TET2: variants seen among roughly 807,000 people sequenced by gnomAD.
The protein encoded by TET2 is tet methylcytosine dioxygenase 2, also known as methylcytosine dioxygenase TET2.
Under a neutral mutation model 142.9 loss-of-function variants are expected in TET2, and 299 were observed. The observed-to-expected ratio is 2.09, with a 90% confidence interval of 1.90 to 2.30. TET2 has a LOEUF of 2.30. Ranked by LOEUF, TET2 falls within the 30% of genes most tolerant of loss-of-function variation. TET2 has a pLI of 0.00. For missense variants in TET2, 2,418 were observed against 2,378.0 expected (o/e 1.02, Z -0.35); for synonymous variants, 819 against 849.0 (o/e 0.96, Z 0.61).
intron 2 of TET2, among the ~76,000 whole-genome samples, chr4:105,204,929 T>C (rs1726729038): frequency 6.6e-6 from 1 of 152,162 alleles, no homozygotes; most frequent in Non-Finnish European, 1.5e-5. Context: ...TATTTTGTTA[T>C]TAACTAATTC....
intron 2 of TET2, among the ~76,000 whole-genome samples, chr4:105,190,900 A>G (rs1419908235): frequency 1.3e-5 from 2 of 152,208 alleles, no homozygotes; most frequent in Admixed American, 1.3e-4. Context: ...TAAGGACCAA[A>G]TAAATGGTAT....
rs753876237 is a variant in TET2, at chr4:105,236,275, A to G, written c.2333A>G (p.Gln778Arg). ...DQQREGSFFGQTKVEECFHGE... is the reference protein window; with the variant it reads ...DQQREGSFFGRTKVEECFHGE... ...CAAAGAGAAGGATCATTCTTTGGCC[A>G]GACTAAAGTGGAAGAATGTTTTCAT... Residue 778 changes from glutamine (Q) to arginine (R), a missense_variant, in exon 3 of 11, where the codon CAG becomes CGG. Transcript: ENST00000380013. The G allele has an allele frequency of 6.2e-7, 1 of 1,614,160 alleles. No individual in the cohort carries two copies. The highest frequency in any genetic ancestry group is 1.1e-5 in the South Asian group (1 of 91,092).
intron 2 of TET2, among the ~76,000 whole-genome samples, chr4:105,209,889 T>C (rs1370374312): frequency 6.6e-6 from 1 of 152,118 alleles, no homozygotes; most frequent in African/African-American, 2.4e-5. Flanking sequence ...AATAGGCTGT[T>C]GCGGTTATCC....
intron 6 of TET2, among the ~76,000 whole-genome samples, chr4:105,259,383 T>A (rs1217270809): frequency 6.6e-6 from 1 of 152,180 alleles, no homozygotes; most frequent in African/African-American, 2.4e-5. Flanking sequence ...CTTAACTGGG[T>A]ATTTTCCATT....
intron 1 of TET2, among the ~76,000 whole-genome samples, chr4:105,169,330 G>T (rs1196226674): frequency 6.6e-6 from 1 of 152,158 alleles, no homozygotes; most frequent in Non-Finnish European, 1.5e-5. Context: ...GATCATTAGT[G>T]ATATTGAACA....
At chr4:105,229,210 T>C (rs1023415735) in intron 2 of TET2, among the ~76,000 whole-genome samples, 20 of 152,216 alleles carry the variant, frequency 1.3e-4, no homozygotes, top group Non-Finnish European at 2.5e-4. Context: ...ATGTGACTAG[T>C]CACTGTTGGA....
In TET2 at chr4:105,236,793, G is replaced by A. The variant is rs754494797; in HGVS notation, c.2851G>A (p.Ala951Thr). 6.2e-7 allele frequency: 1 copy of A among 1,614,128 alleles called. No homozygotes were observed. Among genetic ancestry groups the A allele is most frequent in the Admixed American group, 1.7e-5 (1 of 60,002 alleles). The part of the protein sequence containing the change: ...PPQKDTQKHA[A>T]LRWHLLQKQE... The stretch of plus-strand genomic sequence containing the variant: ...CCAGAAGGACACTCAAAAGCATGCT[G>A]CTCTAAGGTGGCATCTCTTACAGAA... Residue 951 changes from alanine (A) to threonine (T), a missense_variant, in exon 3 of 11, where the codon GCT (alanine) becomes ACT (threonine). Transcript: ENST00000380013.
intron 2 of TET2, among the ~76,000 whole-genome samples, chr4:105,230,803 A>G (rs1196703035): frequency 1.3e-5 from 2 of 152,076 alleles, no homozygotes; most frequent in African/African-American, 4.8e-5. Context: ...TGACTTCTAG[A>G]TTTTGTTTCA....
chr4:105,160,313 C>T (rs1164401350), intron 1 of TET2, among the ~76,000 whole-genome samples: 1 of 151,752 alleles, frequency 6.6e-6, no homozygotes, highest in Non-Finnish European at 1.5e-5. Context: ...TTATTTTTAT[C>T]AATACAAAGC....
intron 1 of TET2, among the ~76,000 whole-genome samples, chr4:105,172,184 G>A (rs550607344): frequency 1.7e-3 from 255 of 152,132 alleles, no homozygotes; most frequent in African/African-American, 5.9e-3. Context: ...ATAACATGGA[G>A]GTTAAGAGCA....
At chr4:105,203,356 T>C (rs1206550935) in intron 2 of TET2, among the ~76,000 whole-genome samples, 1 of 152,238 alleles carries the variant, frequency 6.6e-6, no homozygotes, top group African/African-American at 2.4e-5. Flanking sequence ...GAGAGGGTTT[T>C]AAGCTATGTA....
In TET2 at chr4:105,201,732, CTTTTTTTTTTTTT is replaced by C. The variant is rs70964636; in HGVS notation, c.-47+11241_-47+11253del. ...TTAACAGAACATCTTCATCCAGGAC[CTTTTTTTTTTTTT>C]TTTTTTTTTTTTTCAGACAGGGTTT... On this transcript the variant is annotated intron_variant, in intron 2 of 10. Transcript: ENST00000380013. Among the ~76,000 whole-genome samples the C allele has an allele frequency of 3.3e-4, 21 of 63,068 alleles. No homozygotes were observed. In the East Asian group the frequency reaches 4.5e-3, roughly 13 times the overall value. 41.4% of individuals were successfully genotyped at this position (63,068 alleles called of 152,430 possible).
intron 6 of TET2, among the ~76,000 whole-genome samples, chr4:105,256,221 C>G (rs1163466551): frequency 6.6e-6 from 1 of 152,020 alleles, no homozygotes; most frequent in Non-Finnish European, 1.5e-5. Flanking sequence ...TCTTTAAGTT[C>G]TTAGGTGTAT....
At position 105,275,792 on chromosome 4, in the gene TET2, A is replaced by G. The variant is rs1731188675; in HGVS notation, c.5282A>G (p.His1761Arg). 1 of 1,551,590 alleles carries G rather than the reference A, an allele frequency of 6.4e-7. No individual in the cohort carries two copies. The highest frequency in any genetic ancestry group is 2.0e-5 in the Admixed American group (1 of 50,984). ...AATGGTGAACATCATTCACCTTCTC[A>G]CATAATCCATAACTACAGTGCAGCT... is the stretch of plus-strand genomic sequence containing the variant. The part of the protein sequence containing the change: ...YKNGEHHSPS[H>R]IIHNYSAAPG... The change falls in exon 11 of 11, where the codon CAC becomes CGC. Residue 1761 changes from histidine (H) to arginine (R), a missense_variant. Coordinates refer to ENST00000380013, the MANE Select transcript of TET2 (RefSeq NM_001127208.3).
intron 1 of TET2, among the ~76,000 whole-genome samples, chr4:105,149,231 C>T (rs1449157782): frequency 6.6e-6 from 1 of 152,116 alleles, no homozygotes; most frequent in Non-Finnish European, 1.5e-5. Flanking sequence ...TCAGGCTACT[C>T]AACTAATAAT....
In TET2 at chr4:105,259,785, GATGT is replaced by G; in HGVS notation, c.3954+19_3954+22del. ...CCCAAAAGAGGTTTGTTTACTTCCT[GATGT>G]ATAATCGCTTTATTTTTCATAGAGA... On this transcript the variant is annotated intron_variant, in intron 7 of 10. Coordinates refer to ENST00000380013, the MANE Select transcript of TET2 (RefSeq NM_001127208.3). 1 of 1,547,460 alleles carries G rather than the reference GATGT, an allele frequency of 6.5e-7. No individual in the cohort carries two copies. Among genetic ancestry groups the G allele is most frequent in the East Asian group, 2.4e-5 (1 of 40,868 alleles).
rs1728829166 is a variant in TET2, at chr4:105,235,723, C to A, written c.1781C>A (p.Pro594His). Reference sequence around the variant, plus strand: ...CTGCCATCAATTCTTCAGTATCAACCCAATCTCTCCAATCAAATGACCTCC... The same window carrying A: ...CTGCCATCAATTCTTCAGTATCAACACAATCTCTCCAATCAAATGACCTCC... ...ASLPSILQYQPNLSNQMTSKQ... is the reference protein window; with the variant it reads ...ASLPSILQYQHNLSNQMTSKQ... Residue 594 changes from proline (P) to histidine (H), a missense_variant, in exon 3 of 11, where the codon CCC becomes CAC. Pro to His is a moderately conservative substitution (Grantham distance 77). Transcript: ENST00000380013. The A allele has an allele frequency of 1.2e-6, 2 of 1,614,102 alleles. No individual in the cohort carries two copies. The highest frequency in any genetic ancestry group is 1.7e-6 in the Non-Finnish European group (2 of 1,180,008).
intron 9 of TET2, among the ~76,000 whole-genome samples, chr4:105,271,859 A>G (rs185003855): frequency 6.6e-6 from 1 of 152,270 alleles, no homozygotes; most frequent in Non-Finnish European, 1.5e-5. Flanking sequence ...TCCACCCCTT[A>G]CCCTTTTCAG....
intron 3 of TET2, chr4:105,237,593 C>T: frequency 1.4e-6 from 2 of 1,467,462 alleles, no homozygotes; most frequent in Admixed American, 5.5e-5. Flanking sequence ...TTATTTTTCC[C>T]TCTCTTCAGA....
Sources: allele counts gnomAD v4.1 joint callset (sites outside exome capture counted in the v4.1 genomes callset), GRCh38; gene constraint gnomAD v4.1.1; transcripts MANE v1.5; gene names NCBI Gene and HGNC (gene_info 2026-07-23, HGNC 2026-07-21).